KANK1: variants seen among roughly 807,000 people sequenced by gnomAD.
KANK1 encodes KN motif and ankyrin repeat domains 1.
A neutral mutation model predicts 106.2 loss-of-function variants in KANK1; 109 were observed. The ratio of observed to expected loss-of-function variants is 1.03; its 90% CI spans 0.88 to 1.20. The LOEUF is 1.20. Among genes scored for constraint, KANK1 ranks in the 50% most tolerant of loss-of-function variants. KANK1 has a pLI of 0.00. For missense variants in KANK1, 2,399 were observed against 1,710.7 expected (o/e 1.40, Z -7.10); for synonymous variants, 873 against 652.2 (o/e 1.34, Z -5.16).
At chr9:605,432 A>G (rs577309519) in intron 1 of KANK1, among the ~76,000 whole-genome samples, 8 of 151,988 alleles carry the variant, frequency 5.3e-5, no homozygotes, top group Admixed American at 3.9e-4. Flanking sequence ...GGCAGAGAGC[A>G]TCAGGAAGGG....
intron 1 of KANK1, among the ~76,000 whole-genome samples, chr9:642,060 C>T (rs1838582857): frequency 6.6e-6 from 1 of 152,164 alleles, no homozygotes; most frequent in Non-Finnish European, 1.5e-5. Context: ...ATATTAAATA[C>T]TGTGTTGTAA....
chr9:662,141 G>T (rs1310153588), intron 1 of KANK1, among the ~76,000 whole-genome samples: 1 of 152,000 alleles, frequency 6.6e-6, no homozygotes, highest in Admixed American at 6.6e-5. Flanking sequence ...ACCTCTTCAA[G>T]GAGAAGTACA....
chr9:741,669 A>G (rs531567345), intron 9 of KANK1, among the ~76,000 whole-genome samples: 1 of 151,700 alleles, frequency 6.6e-6, no homozygotes, highest in Admixed American at 6.6e-5. Flanking sequence ...TTGTATTTTT[A>G]GTAGAGACAA....
intron 1 of KANK1, among the ~76,000 whole-genome samples, chr9:546,567 G>GCCTCTCCTA (rs1490856984): frequency 6.6e-6 from 1 of 151,908 alleles, no homozygotes; most frequent in Non-Finnish European, 1.5e-5. Flanking sequence ...TTTTCACCTT[G>GCCTCTCCTA]CCTCTCCTAC....
At chr9:563,190 CTTT>C (rs35709800) in intron 1 of KANK1, among the ~76,000 whole-genome samples, 369 of 148,998 alleles carry the variant, frequency 2.5e-3, no homozygotes, top group Admixed American at 2.6e-3. Context: ...TTTTGTCAGA[CTTT>C]TTTTTTTTTT....
intron 1 of KANK1, among the ~76,000 whole-genome samples, chr9:581,774 A>G (rs923585023): frequency 1.3e-5 from 2 of 152,128 alleles, no homozygotes; most frequent in South Asian, 4.2e-4. Context: ...CTGAGAAGTT[A>G]TCCGTTTACA....
At chr9:724,540 G>A (rs1830178747) in intron 3 of KANK1, among the ~76,000 whole-genome samples, 1 of 152,094 alleles carries the variant, frequency 6.6e-6, no homozygotes, top group African/African-American at 2.4e-5. Context: ...GCTCACACCT[G>A]TAATCCCAGA....
At chr9:723,470 T>A (rs1311972329) in intron 3 of KANK1, among the ~76,000 whole-genome samples, 5 of 151,460 alleles carry the variant, frequency 3.3e-5, no homozygotes, top group Admixed American at 6.6e-5. Context: ...TCAGTGCATT[T>A]TCGTGGGGCA....
chr9:565,417 C>A (rs1254388286), intron 1 of KANK1, among the ~76,000 whole-genome samples: 1 of 152,226 alleles, frequency 6.6e-6, no homozygotes, highest in Non-Finnish European at 1.5e-5. Flanking sequence ...CCAAAAGGGT[C>A]TTCCAGTTCA....
At chr9:626,524 C>T (rs1338705694) in intron 1 of KANK1, among the ~76,000 whole-genome samples, 1 of 152,122 alleles carries the variant, frequency 6.6e-6, no homozygotes, top group Non-Finnish European at 1.5e-5. Flanking sequence ...TCTGTGTTTT[C>T]TGTTTTGTTT....
intron 8 of KANK1, among the ~76,000 whole-genome samples, chr9:739,945 C>T (rs557458421): frequency 6.6e-6 from 1 of 152,266 alleles, no homozygotes; most frequent in East Asian, 1.9e-4. Context: ...GCATTAAAAA[C>T]ACCCACTTTT....
chr9:542,682 A>G (rs1247588371), intron 1 of KANK1, among the ~76,000 whole-genome samples: 1 of 152,232 alleles, frequency 6.6e-6, no homozygotes, highest in Non-Finnish European at 1.5e-5. Context: ...ATGGGTAAAG[A>G]AAATGTGGTA....
At position 580,503 on chromosome 9, in the gene KANK1, G is replaced by C. The variant is rs568404834; in HGVS notation, c.-84+75749G>C. On this transcript the variant is annotated intron_variant, in intron 1 of 11. Transcript: ENST00000382297. Reference sequence around the variant, plus strand: ...AGAGCTGATTGGTCCATTTTGACAGGGTGCTGATTGGTGCATTTACAATCC... The same window carrying C: ...AGAGCTGATTGGTCCATTTTGACAGCGTGCTGATTGGTGCATTTACAATCC... Among the ~76,000 whole-genome samples, 17 of 152,284 alleles carry C rather than the reference G, an allele frequency of 1.1e-4. No homozygotes were observed. In the South Asian group the frequency reaches 1.7e-3, roughly 15 times the overall value.
chr9:741,829 A>G (rs7024378), intron 9 of KANK1, among the ~76,000 whole-genome samples: 20,166 of 151,146 alleles, frequency 0.13, 2,612 homozygotes, highest in African/African-American at 0.34. Context: ...GTGTTGCCCA[A>G]GCTGCTCTTG....
chr9:529,294 CTTT>C (rs774768030), intron 1 of KANK1, among the ~76,000 whole-genome samples: 1 of 144,874 alleles, frequency 6.9e-6, no homozygotes, highest in East Asian at 2.0e-4. Context: ...CATATATACA[CTTT>C]TTTTTTTTTT....
chr9:548,149 A>G (rs967213383), intron 1 of KANK1, among the ~76,000 whole-genome samples: 37 of 152,224 alleles, frequency 2.4e-4, no homozygotes, highest in African/African-American at 8.7e-4. Flanking sequence ...TAGGATTTCT[A>G]GAGAAAATAA....
chr9:621,748 A>C (rs1020304641), intron 1 of KANK1, among the ~76,000 whole-genome samples: 14 of 152,014 alleles, frequency 9.2e-5, no homozygotes, highest in African/African-American at 3.4e-4. Context: ...ACGCAGCTCA[A>C]ATCTCAGTTT....
intron 3 of KANK1, chr9:495,437 T>G (rs2058442594): frequency 2.6e-5 from 4 of 152,194 alleles, no homozygotes; most frequent in Admixed American, 2.6e-4. Context: ...CAACTTAGTT[T>G]CTTCAGATTG....
At chr9:647,628 C>T (rs1839964427) in intron 1 of KANK1, among the ~76,000 whole-genome samples, 1 of 150,714 alleles carries the variant, frequency 6.6e-6, no homozygotes, top group South Asian at 2.1e-4. Flanking sequence ...TTGTGAGTAT[C>T]CATAGTGTCA....
Sources: allele counts gnomAD v4.1 joint callset (sites outside exome capture counted in the v4.1 genomes callset), GRCh38; gene constraint gnomAD v4.1.1; transcripts MANE v1.5; gene names NCBI Gene and HGNC (gene_info 2026-07-23, HGNC 2026-07-21).